DMBT1: variants seen among roughly 807,000 people sequenced by gnomAD.
DMBT1 encodes the protein scavenger receptor cysteine-rich domain-containing protein DMBT1.
In DMBT1, 198 loss-of-function variants were observed where a neutral mutation model predicts 252.9. That is an observed-to-expected ratio of 0.78 (90% CI 0.70 to 0.88). The LOEUF (loss-of-function observed/expected upper bound fraction) is 0.88. DMBT1 is among the 40% of genes least tolerant of loss of function. The pLI is 0.00. For synonymous variants in DMBT1, 990 were observed against 942.7 expected (o/e 1.05, Z -0.92); for missense variants, 2,432 against 2,404.7 (o/e 1.01, Z -0.24).
chr10:122,598,954 C>T lies in DMBT1; in HGVS notation c.3137C>T (p.Ala1046Val). ...TGGGCCATGTCAGCCCCAGGAAATG[C>T]CCGGTTTGGTCAGGGCTCAGGACCC... The part of the protein sequence containing the change: ...CGWAMSAPGN[A>V]RFGQGSGPIV... Residue 1046 changes from alanine (A) to valine (V), a missense_variant, in exon 26 of 56, where the codon GCC becomes GTC. Around this residue, in one of 3 missense-constraint regions of DMBT1, gnomAD observed 1,264 missense variants for 1,082.2 expected, o/e 1.17. Transcript: ENST00000338354. 1.2e-6 allele frequency: 2 copies of T among 1,613,780 alleles called. No homozygotes were observed. Among genetic ancestry groups the T allele is most frequent in the Admixed American group, 1.7e-5 (1 of 60,016 alleles).
rs377586374 is a variant in DMBT1 at position 122,598,897 on chromosome 10, C to T, written c.3080C>T (p.Ala1027Val). The T allele has an allele frequency of 1.9e-5, 30 of 1,613,716 alleles. No homozygotes were observed. The highest frequency in any genetic ancestry group is 3.3e-5 in the Admixed American group (2 of 60,006). The change falls in exon 26 of 56, where the codon GCC (alanine) becomes GTC (valine). Residue 1027 changes from alanine to valine, a missense_variant. Ala to Val is a moderately conservative substitution (Grantham distance 64). This residue lies in a region of DMBT1 where 1,264 missense variants were observed against 1,082.2 expected (regional missense o/e 1.17). Coordinates refer to ENST00000338354, the MANE Select transcript of DMBT1 (RefSeq NM_001377530.1). ...GATGACAGCTGGGACACCAATGATG[C>T]CAATGTCGTCTGCAGGCAACTGGGC... Reference protein sequence around the residue: ...VCDDSWDTNDANVVCRQLGCG... With the variant: ...VCDDSWDTNDVNVVCRQLGCG...
chr10:122,599,148 G>C, intron 26 of DMBT1, 51 bp downstream of exon 26: 2 of 1,612,960 alleles, frequency 1.2e-6, no homozygotes, highest in South Asian at 1.1e-5. Flanking sequence ...GTTTGCTCCA[G>C]AAGAAACTCC....
chr10:122,641,137 G>A (rs1388913698), intron 55 of DMBT1, among the ~76,000 whole-genome samples: 3 of 152,166 alleles, frequency 2.0e-5, no homozygotes, highest in Non-Finnish European at 4.4e-5. Context: ...AAGCTCAGGA[G>A]GTGCAGAGGT....
intron 44 of DMBT1, 98 bp from the exon 45 acceptor site, chr10:122,625,179 C>A (rs2098108706): frequency 8.6e-7 from 1 of 1,163,348 alleles, no homozygotes; most frequent in South Asian, 1.3e-5. Flanking sequence ...TCTTGGGGAG[C>A]ATTTCTAAGT....
At chr10:122,573,034 A>G (rs1414577979) in intron 5 of DMBT1, among the ~76,000 whole-genome samples, 1 of 152,180 alleles carries the variant, frequency 6.6e-6, no homozygotes, top group Non-Finnish European at 1.5e-5. Context: ...GCAGACACCA[A>G]GAGGTTTTTT....
intron 6 of DMBT1, among the ~76,000 whole-genome samples, chr10:122,575,386 G>A (rs940459534): frequency 6.6e-6 from 1 of 152,206 alleles, no homozygotes; most frequent in African/African-American, 2.4e-5. Context: ...ATGCTAGACA[G>A]GTTTCTTGAC....
rs547440910 is a variant in DMBT1 at position 122,587,265 on chromosome 10, C to T, written c.1783+882C>T. On this transcript the variant is annotated intron_variant, in intron 16 of 55. Transcript: ENST00000338354. ...ACTGGGAGGATTCCAGAACCAAGGG[C>T]TCATGCTGGGAAGGGAGGGTTTTCT... Among the ~76,000 whole-genome samples, 5 of 148,482 alleles carry T rather than the reference C, an allele frequency of 3.4e-5. 1 individual carries two copies. The South Asian group carries it at 1.1e-3, about 34-fold the overall frequency.
intron 53 of DMBT1, 60 bp downstream of exon 53, chr10:122,636,259 C>A: frequency 1.4e-6 from 2 of 1,409,302 alleles, no homozygotes; most frequent in Non-Finnish European, 2.0e-6. Context: ...GCATCTGTGG[C>A]TCAACTGTCC....
Position 122,643,387 on chromosome 10 carries a change from G to A in DMBT1, c.7618G>A (p.Glu2540Lys). ...GCAGACCCCCCCACGCCGAGAAGAG[G>A]AGCCTCGGTAGGTGGTCGCTCTCAG... ...QLQTPPRREEEPR is the reference protein window; with the variant it reads ...QLQTPPRREEKPR The change falls in exon 56 of 56, where the codon GAG becomes AAG. Residue 2540 changes from glutamate (E) to lysine (K), a missense_variant. Glu to Lys is a moderately conservative substitution (Grantham distance 56, BLOSUM62 1). Around this residue, in one of 3 missense-constraint regions of DMBT1, gnomAD observed 1,162 missense variants for 1,169.0 expected, o/e 0.99. Transcript: ENST00000338354. The A allele has an allele frequency of 6.2e-7, 1 of 1,612,868 alleles. No homozygotes were observed. The highest frequency in any genetic ancestry group is 1.1e-5 in the South Asian group (1 of 90,890).
chr10:122,620,268 C>T lies in DMBT1; in HGVS notation c.5261C>T (p.Thr1754Ile), dbSNP rs769208775. The stretch of plus-strand genomic sequence containing the variant: ...CAATTTACAGATACTTGGCTGACCA[C>T]CAACTTACCGGCATTGACAGTAGGT... Reference protein sequence around the residue: ...STPRPDTWLTTNLPALTVGSE... With the variant: ...STPRPDTWLTINLPALTVGSE... Residue 1754 changes from threonine (T) to isoleucine (I), a missense_variant, in exon 43 of 56, where the codon ACC (threonine) becomes ATC (isoleucine). Coordinates refer to ENST00000338354, the MANE Select transcript of DMBT1 (RefSeq NM_001377530.1). The T allele has an allele frequency of 1.9e-6, 3 of 1,613,998 alleles. No individual in the cohort carries two copies. The East Asian group carries it at 6.7e-5, about 36-fold the overall frequency.
At chr10:122,573,565 A>G in intron 5 of DMBT1, 150 bp from the exon 6 acceptor site, 1 of 969,352 alleles carries the variant, frequency 1.0e-6, no homozygotes, top group South Asian at 1.5e-5. Flanking sequence ...TACAATGACA[A>G]AGCGATTGGC....
chr10:122,625,154 A>G, intron 44 of DMBT1, 123 bp from the exon 45 acceptor site: 1 of 890,064 alleles, frequency 1.1e-6, no homozygotes, highest in Non-Finnish European at 1.8e-6. Context: ...CTACTATTCC[A>G]CTCTCCTGGA....
intron 50 of DMBT1, 135 bp downstream of exon 50, chr10:122,632,010 C>G (rs2098169085): frequency 1.9e-6 from 2 of 1,026,592 alleles, no homozygotes; most frequent in Admixed American, 3.9e-5. Flanking sequence ...CCCCTGTCCC[C>G]TCCCCTGCCG....
In DMBT1 at chr10:122,617,222, T is replaced by G. The variant is rs2097995442; in HGVS notation, c.4859-6T>G. On this transcript the variant is annotated splice_polypyrimidine_tract_variant and splice_region_variant and intron_variant, in intron 39 of 55. Transcript: ENST00000338354. ...TTCTGTCTTTTTTCTTTGTTGCTAT[T>G]TACAGACACTTGGCCAACCTCTCGT... 1.2e-6 allele frequency: 2 copies of G among 1,609,400 alleles called. No homozygotes were observed. Among genetic ancestry groups the G allele is most frequent in the Non-Finnish European group, 1.7e-6 (2 of 1,178,662 alleles).
chr10:122,619,854 A>G (rs1323025595), intron 42 of DMBT1, among the ~76,000 whole-genome samples: 2 of 152,208 alleles, frequency 1.3e-5, no homozygotes, highest in Admixed American at 1.3e-4. Flanking sequence ...AGGGAGAGGG[A>G]TAATAAATAT....
At position 122,590,101 on chromosome 10, in the gene DMBT1, G is replaced by A. The variant is rs1209749748; in HGVS notation, c.2108-564G>A. On this transcript the variant is annotated intron_variant, in intron 17 of 55. Transcript: ENST00000338354. ...CAAAGGCTTATGCTGGGAAGGGAGG[G>A]TCTTCCGCTGAGGCCCAGTAAGGAG... Among the ~76,000 whole-genome samples, 2 of 148,570 alleles carry A rather than the reference G, an allele frequency of 1.3e-5. 1 individual carries two copies. The highest frequency in any genetic ancestry group is 1.3e-4 in the Admixed American group (2 of 14,972).
intron 52 of DMBT1, among the ~76,000 whole-genome samples, chr10:122,635,123 A>C (rs1310510773): frequency 6.6e-6 from 1 of 152,218 alleles, no homozygotes; most frequent in Admixed American, 6.5e-5. Flanking sequence ...TCTTGATAGC[A>C]ATGACCATCA....
intron 1 of DMBT1, 93 bp downstream of exon 1, chr10:122,560,924 T>TTA: frequency 1.0e-6 from 1 of 966,860 alleles, no homozygotes; most frequent in Non-Finnish European, 1.6e-6. Flanking sequence ...AAGGGAAGTT[T>TTA]TATATCAAAG....
At chr10:122,592,067 A>C (rs1347710936) in intron 19 of DMBT1, among the ~76,000 whole-genome samples, 3 of 148,422 alleles carry the variant, frequency 2.0e-5, no homozygotes, top group African/African-American at 7.3e-5. Context: ...CTTTCCCAAA[A>C]TCTGAGCCTC....
Sources: gnomAD v4.1 joint callset for allele counts (sites outside exome capture counted in the v4.1 genomes callset) on GRCh38, gnomAD v4.1.1 for gene constraint, gnomAD v4.1.1 regional missense constraint, MANE v1.5 for transcripts, NCBI Gene and HGNC (gene_info 2026-07-23, HGNC 2026-07-21) for gene names.